The following ZBTB16 variants were observed in gnomAD, a reference collection of about 807,000 sequenced individuals.
ZBTB16 encodes the protein zinc finger and BTB domain-containing protein 16.
In ZBTB16, 8 loss-of-function variants were observed where a neutral mutation model predicts 56.8. That is an observed-to-expected ratio of 0.14 (90% confidence interval 0.08 to 0.25). The LOEUF (loss-of-function observed/expected upper bound fraction) is 0.25. Among genes scored for constraint, ZBTB16 ranks in the 10% least tolerant of loss-of-function variants. ZBTB16 has a pLI of 1.00. For synonymous variants in ZBTB16, 363 were observed against 368.5 expected (o/e 0.98, Z 0.17); for missense variants, 625 against 903.0 (o/e 0.69, Z 3.95).
chr11:114,105,211 A>G (rs1940745601), intron 2 of ZBTB16, among the ~76,000 whole-genome samples: 1 of 151,578 alleles, frequency 6.6e-6, no homozygotes, highest in Non-Finnish European at 1.5e-5. Flanking sequence ...GACAGCCCAA[A>G]ACGCTGAATT....
rs114872530 is a variant in ZBTB16 at position 114,150,045 on chromosome 11, T to A, written c.1269-6292T>A. Among the ~76,000 whole-genome samples the A allele has an allele frequency of 4.9e-3, 747 of 152,338 alleles. 3 individuals are homozygous for A. Among genetic ancestry groups the A allele is most frequent in the African/African-American group, 0.017 (711 of 41,564 alleles). The stretch of plus-strand genomic sequence containing the variant: ...TCTTGCCCCCACAGAGTGTATAGTC[T>A]TAAGGAACTTATAAATGGCTTAGTC... On this transcript the variant is annotated intron_variant, in intron 2 of 6. Coordinates refer to ENST00000335953, the MANE Select transcript of ZBTB16 (RefSeq NM_006006.6).
intron 2 of ZBTB16, among the ~76,000 whole-genome samples, 168 bp from the exon 3 acceptor site, chr11:114,156,169 G>A (rs534468142): frequency 7.2e-5 from 11 of 152,328 alleles, no homozygotes; most frequent in East Asian, 1.9e-4. Flanking sequence ...GGCAGAGGGC[G>A]TGATTTACGC....
chr11:114,096,897 T>C (rs1187540461), intron 2 of ZBTB16, among the ~76,000 whole-genome samples: 1 of 152,210 alleles, frequency 6.6e-6, no homozygotes, highest in African/African-American at 2.4e-5. Context: ...CAAAAACATA[T>C]TTTGTGAGCA....
intron 2 of ZBTB16, among the ~76,000 whole-genome samples, chr11:114,090,880 A>G (rs976853954): frequency 1.3e-5 from 2 of 152,150 alleles, no homozygotes; most frequent in African/African-American, 4.8e-5. Context: ...TTTAAGAAAC[A>G]TATGTATGGC....
intron 6 of ZBTB16, 67 bp downstream of exon 6, chr11:114,247,432 C>G: frequency 6.2e-7 from 1 of 1,602,892 alleles, no homozygotes; most frequent in Non-Finnish European, 8.5e-7. Flanking sequence ...AGCAGATAGT[C>G]TCCTAGAGAA....
At position 114,082,167 on chromosome 11, in the gene ZBTB16, C is replaced by T. The variant is rs553021265; in HGVS notation, c.1268+17599C>T. ...CAGCTGTGCATGCCCATAATCCCAG[C>T]TTCTCGGGTGGCTGAAGAGGGAGGA... On this transcript the variant is annotated intron_variant, in intron 2 of 6. Coordinates refer to ENST00000335953, the MANE Select transcript of ZBTB16 (RefSeq NM_006006.6). Among the ~76,000 whole-genome samples, 3 of 151,476 alleles carry T rather than the reference C, an allele frequency of 2.0e-5. No homozygotes were observed. The South Asian group carries it at 6.3e-4, about 32-fold the overall frequency.
At chr11:114,196,774 A>G (rs1048150360) in intron 4 of ZBTB16, among the ~76,000 whole-genome samples, 1 of 144,676 alleles carries the variant, frequency 6.9e-6, no homozygotes, top group East Asian at 2.0e-4. Context: ...TTAGGTACAG[A>G]TAATTCAATA....
At chr11:114,242,546 G>A (rs138881060) in intron 5 of ZBTB16, among the ~76,000 whole-genome samples, 178 of 152,276 alleles carry the variant, frequency 1.2e-3, no homozygotes, top group African/African-American at 4.1e-3. Context: ...AAGTCTTTCC[G>A]TGTTCAACAC....
At chr11:114,140,434 T>C (rs558379436) in intron 2 of ZBTB16, among the ~76,000 whole-genome samples, 4 of 152,358 alleles carry the variant, frequency 2.6e-5, no homozygotes, top group African/African-American at 7.2e-5. Flanking sequence ...TCCTTCACTA[T>C]GCCAAATAAA....
chr11:114,179,765 A>T (rs901598692), intron 3 of ZBTB16, among the ~76,000 whole-genome samples: 2 of 151,524 alleles, frequency 1.3e-5, no homozygotes, highest in South Asian at 4.2e-4. Context: ...TTTCCTTCAG[A>T]GAGACACCAC....
chr11:114,247,106 C>T (rs557754836), intron 5 of ZBTB16, 92 bp from the exon 6 acceptor site: 132 of 1,570,864 alleles, frequency 8.4e-5, no homozygotes, highest in Non-Finnish European at 9.0e-5. Context: ...TACAGGCCGT[C>T]GCATCCTTCT....
At chr11:114,165,798 C>T (rs1942734904) in intron 3 of ZBTB16, among the ~76,000 whole-genome samples, 2 of 152,072 alleles carry the variant, frequency 1.3e-5, no homozygotes, top group African/African-American at 4.8e-5. Flanking sequence ...TGGGGTGGCT[C>T]AGGGCTGAGG....
At chr11:114,230,101 C>G (rs781065646) in intron 4 of ZBTB16, among the ~76,000 whole-genome samples, 2 of 152,136 alleles carry the variant, frequency 1.3e-5, no homozygotes, top group Non-Finnish European at 2.9e-5. Flanking sequence ...GGTGTGTCCT[C>G]TTTCTACTCC....
chr11:114,190,754 CACACATAT>C (rs1413789711), intron 4 of ZBTB16, among the ~76,000 whole-genome samples: 5 of 151,750 alleles, frequency 3.3e-5, no homozygotes, highest in South Asian at 2.1e-4. Flanking sequence ...CACACACACA[CACACATAT>C]ATATACACAC....
chr11:114,195,141 C>T (rs541820733), intron 4 of ZBTB16, among the ~76,000 whole-genome samples: 2 of 152,238 alleles, frequency 1.3e-5, no homozygotes, highest in African/African-American at 4.8e-5. Context: ...CTTGAACAGG[C>T]CTGGGGGCAA....
chr11:114,169,404 C>T (rs557047909), intron 3 of ZBTB16, among the ~76,000 whole-genome samples: 35 of 152,206 alleles, frequency 2.3e-4, no homozygotes, highest in Non-Finnish European at 3.1e-4. Context: ...CCCAGGCACG[C>T]GCTGGGGATG....
chr11:114,221,680 A>G (rs1425578057), intron 4 of ZBTB16, among the ~76,000 whole-genome samples: 1 of 152,066 alleles, frequency 6.6e-6, no homozygotes, highest in Non-Finnish European at 1.5e-5. Flanking sequence ...TTTCTCTCCC[A>G]TTCATGTCTG....
chr11:114,162,363 G>A (rs1193383852), intron 3 of ZBTB16, among the ~76,000 whole-genome samples: 1 of 152,222 alleles, frequency 6.6e-6, no homozygotes, highest in African/African-American at 2.4e-5. Context: ...CAGAGAAGAT[G>A]GGGGAAGAGA....
At chr11:114,162,539 T>C (rs1045798188) in intron 3 of ZBTB16, among the ~76,000 whole-genome samples, 3 of 152,180 alleles carry the variant, frequency 2.0e-5, no homozygotes, top group Non-Finnish European at 4.4e-5. Context: ...AGCAAGAGAC[T>C]TGGGGCTGCC....
Sources: allele counts gnomAD v4.1 joint callset (sites outside exome capture counted in the v4.1 genomes callset), GRCh38; gene constraint gnomAD v4.1.1; transcripts MANE v1.5; gene names NCBI Gene and HGNC (gene_info 2026-07-23, HGNC 2026-07-21).